Variants in GRIP1 observed in about 807,000 individuals in gnomAD.
GRIP1 encodes glutamate receptor interacting protein 1.
GRIP1 carries 45 observed loss-of-function variants against 129.9 expected under a neutral mutation model. The ratio of observed to expected loss-of-function variants is 0.35; its 90% CI spans 0.27 to 0.44. The LOEUF (loss-of-function observed/expected upper bound fraction) is 0.44, where lower values mean the gene tolerates loss of function less well. Among genes scored for constraint, GRIP1 ranks in the 20% least tolerant of loss-of-function variants. The pLI is 1.00. For synonymous variants in GRIP1, 530 were observed against 520.8 expected (o/e 1.02, Z -0.24); for missense variants, 1,196 against 1,396.8 (o/e 0.86, Z 2.29).
rs995978717 is a variant in GRIP1 at position 66,456,284 on chromosome 12, G to A, written c.1101C>T (p.Ser367=). The stretch of plus-strand genomic sequence containing the variant: ...TATAGTGATGGTTGGTGTGAAGGCT[G>A]CTGTGGTTGCTGGCCCAGGAATCCC... The part of the protein sequence containing the change: ...LTWDSWASNH[S]SLHTNHHYNT... The change falls in exon 10 of 25, where the codon AGC becomes AGT. Residue 367 remains serine, a synonymous_variant. Coordinates refer to ENST00000359742, the MANE Select transcript of GRIP1 (RefSeq NM_001366722.1). The A allele has an allele frequency of 1.0e-5, 13 of 1,289,060 alleles. No individual in the cohort carries two copies. Among genetic ancestry groups the A allele is most frequent in the Non-Finnish European group, 1.3e-5 (13 of 988,016 alleles). 79.9% of individuals were successfully genotyped at this position (1,289,060 alleles called of 1,614,324 possible). A position where few individuals can be genotyped will look rare whatever the true frequency, so the allele number is the denominator to read the frequency against.
At position 66,456,219 on chromosome 12, in the gene GRIP1, G is replaced by T. The variant is rs2058958474; in HGVS notation, c.1166C>A (p.Thr389Lys). 1 of 1,289,530 alleles carries T rather than the reference G, an allele frequency of 7.8e-7. No individual in the cohort carries two copies. 79.9% of individuals were successfully genotyped at this position (1,289,530 alleles called of 1,614,324 possible). ...HPDHCRVPAL[T>K]FPKAPPPNSP... ...GTTTGGAGGAGGTGCTTTCGGGAAT[G>T]TCAGGGCTGGTACTCTGCAATGGTC... The change falls in exon 10 of 25, where the codon ACA (threonine) becomes AAA (lysine). Residue 389 changes from threonine (T) to lysine (K), a missense_variant. Around this residue, in one of 5 missense-constraint regions of GRIP1, gnomAD observed 508 missense variants for 587.0 expected, o/e 0.87. Transcript: ENST00000359742.
intron 14 of GRIP1, among the ~76,000 whole-genome samples, chr12:66,425,002 T>G (rs2057934763): frequency 6.6e-6 from 1 of 152,134 alleles, no homozygotes; most frequent in African/African-American, 2.4e-5. Context: ...CTCTCCCTGT[T>G]TCTGGCTTTA....
intron 1 of GRIP1, among the ~76,000 whole-genome samples, chr12:66,920,494 C>T (rs1430716572): frequency 6.6e-6 from 1 of 152,138 alleles, no homozygotes; most frequent in Non-Finnish European, 1.5e-5. Context: ...ATTCATGTCC[C>T]AAAAGCTCAA....
chr12:66,948,930 C>T (rs1204491656), intron 1 of GRIP1, among the ~76,000 whole-genome samples: 6 of 151,992 alleles, frequency 3.9e-5, no homozygotes, highest in Admixed American at 1.3e-4. Flanking sequence ...CATTTTAAAC[C>T]AATGTTAGAG....
At chr12:66,751,301 G>A (rs111770237) in intron 1 of GRIP1, among the ~76,000 whole-genome samples, 2,006 of 152,262 alleles carry the variant, frequency 0.013, 53 homozygotes, top group African/African-American at 0.046. Flanking sequence ...AAGACAGATA[G>A]AGGAGTTCGG....
At chr12:66,920,818 C>T (rs909314787) in intron 1 of GRIP1, among the ~76,000 whole-genome samples, 3 of 152,228 alleles carry the variant, frequency 2.0e-5, no homozygotes, top group African/African-American at 7.2e-5. Context: ...GTGTAATACT[C>T]TCCACCTCCC....
chr12:66,434,212 A>G (rs924732870), intron 13 of GRIP1, among the ~76,000 whole-genome samples: 4 of 152,130 alleles, frequency 2.6e-5, no homozygotes, highest in Non-Finnish European at 4.4e-5. Context: ...AGCCACCTAT[A>G]AAAAAGGATC....
intron 1 of GRIP1, among the ~76,000 whole-genome samples, chr12:66,847,482 A>G (rs2039838373): frequency 6.6e-6 from 1 of 152,184 alleles, no homozygotes; most frequent in South Asian, 2.1e-4. Flanking sequence ...AATTCCAGCT[A>G]TATGCTTTAA....
chr12:67,014,498 A>T (rs2042755294), intron 1 of GRIP1, among the ~76,000 whole-genome samples: 1 of 152,158 alleles, frequency 6.6e-6, no homozygotes. Context: ...GTAATTCAAA[A>T]TAGAGGCAAA....
At chr12:66,895,095 A>T (rs1487896348) in intron 1 of GRIP1, among the ~76,000 whole-genome samples, 1 of 152,114 alleles carries the variant, frequency 6.6e-6, no homozygotes, top group Non-Finnish European at 1.5e-5. Flanking sequence ...GTTACCATGA[A>T]CTGCCTTCAC....
chr12:66,942,700 G>A (rs990900765), intron 1 of GRIP1, among the ~76,000 whole-genome samples: 6 of 152,166 alleles, frequency 3.9e-5, no homozygotes, highest in African/African-American at 1.4e-4. Context: ...TTGGTAAAGA[G>A]GGGGCAGTGT....
chr12:66,524,413 T>A (rs2061146419), intron 5 of GRIP1, among the ~76,000 whole-genome samples: 1 of 152,120 alleles, frequency 6.6e-6, no homozygotes, highest in Non-Finnish European at 1.5e-5. Context: ...CTGAACAACC[T>A]GCTCCTGAAT....
intron 1 of GRIP1, among the ~76,000 whole-genome samples, chr12:66,860,115 G>C (rs573287015): frequency 2.6e-5 from 4 of 152,048 alleles, no homozygotes; most frequent in African/African-American, 9.7e-5. Context: ...TCCTTGGTCC[G>C]GAAATCAACT....
chr12:66,733,490 T>C (rs560597598), intron 1 of GRIP1, among the ~76,000 whole-genome samples: 28 of 152,150 alleles, frequency 1.8e-4, no homozygotes, highest in African/African-American at 6.7e-4. Flanking sequence ...TCTTCCTCCA[T>C]GGAACTTGGA....
In GRIP1 at chr12:66,449,215, C is replaced by T. The variant is rs561272035; in HGVS notation, c.1355-3707G>A. Among the ~76,000 whole-genome samples, 4 of 152,336 alleles carry T rather than the reference C, an allele frequency of 2.6e-5. No individual in the cohort carries two copies. In the East Asian group the frequency reaches 5.8e-4, roughly 22 times the overall value. ...TGAGTTTTTGAAAGGTTGGAACCAG[C>T]TCTTTCAATCTCTGAAATCTTAGTG... On this transcript the variant is annotated intron_variant, in intron 11 of 24. Transcript: ENST00000359742.
Position 66,777,893 on chromosome 12 carries a change from ACTTT to A in GRIP1, c.-420+26156_-420+26159del, listed in dbSNP as rs113910113. 4.5e-3 allele frequency among the ~76,000 whole-genome samples: 687 copies of A among 152,218 alleles called. 6 individuals carry two copies. Among genetic ancestry groups the A allele is most frequent in the African/African-American group, 0.015 (624 of 41,532 alleles). On this transcript the variant is annotated intron_variant, in intron 1 of 4. Coordinates refer to the GRIP1 transcript ENST00000538373. Reference sequence around the variant, plus strand: ...AATGTTTACCCTATTATATGTTATTACTTTCTTTCTCCCTCCTTCCCTCCCTCTC... The same window carrying A: ...AATGTTTACCCTATTATATGTTATTACTTTCTCCCTCCTTCCCTCCCTCTC...
chr12:66,778,458 T>G (rs562004678), intron 1 of GRIP1, among the ~76,000 whole-genome samples: 55 of 152,284 alleles, frequency 3.6e-4, no homozygotes, highest in African/African-American at 1.3e-3. Flanking sequence ...TAAATGCATA[T>G]AAGATACTTG....
At position 66,379,271 on chromosome 12, in the gene GRIP1, A is replaced by C; in HGVS notation, c.2621+9T>G. 6.2e-7 allele frequency: 1 copy of C among 1,613,440 alleles called. No individual in the cohort carries two copies. The highest frequency in any genetic ancestry group is 8.5e-7 in the Non-Finnish European group (1 of 1,179,724). On this transcript the variant is annotated intron_variant, in intron 20 of 24. Transcript: ENST00000359742. The stretch of plus-strand genomic sequence containing the variant: ...TCTTGGATGAGGCAGCATTGGTTGA[A>C]AACCTTACCCACTGGCTGTGGACCG...
intron 1 of GRIP1, among the ~76,000 whole-genome samples, chr12:66,799,390 T>C (rs186561027): frequency 6.4e-4 from 97 of 152,292 alleles, no homozygotes; most frequent in Non-Finnish European, 1.0e-3. Flanking sequence ...TCGGGATTTT[T>C]TGAGTTAAAC....
Sources: gnomAD v4.1 joint callset for allele counts (sites outside exome capture counted in the v4.1 genomes callset) on GRCh38, gnomAD v4.1.1 for gene constraint, gnomAD v4.1.1 regional missense constraint, MANE v1.5 for transcripts, NCBI Gene and HGNC (gene_info 2026-07-23, HGNC 2026-07-21) for gene names.